The following MUCL1 variants were observed in gnomAD, a reference collection of about 807,000 sequenced individuals.
The protein encoded by MUCL1 is mucin-like protein 1.
MUCL1 carries 11 observed loss-of-function variants against 9.2 expected under a neutral mutation model. That is an observed-to-expected ratio of 1.19 (90% CI 0.75 to 1.97). The LOEUF is 1.97. Among genes scored for constraint, MUCL1 ranks in the 30% most tolerant of loss-of-function variants. The pLI is 0.00. For synonymous variants in MUCL1, 48 were observed against 40.5 expected (o/e 1.19, Z -0.71); for missense variants, 144 against 110.9 (o/e 1.30, Z -1.34).
chr12:54,849,586 T>G (rs1219081436), upstream of MUCL1, among the ~76,000 whole-genome samples: 2 of 152,208 alleles, frequency 1.3e-5, no homozygotes, highest in Non-Finnish European at 2.9e-5. Flanking sequence ...TATAGAGAGA[T>G]AAAGTTTGGT....
intron 1 of MUCL1, among the ~76,000 whole-genome samples, chr12:54,841,955 A>C (rs1189613750): frequency 6.6e-6 from 1 of 152,140 alleles, no homozygotes; most frequent in Admixed American, 6.5e-5. Context: ...TAATAATTCT[A>C]TACAAGTATT....
chr12:54,858,141 A>G, intron 3 of MUCL1, 52 bp from the exon 4 acceptor site: 1 of 1,604,328 alleles, frequency 6.2e-7, no homozygotes, highest in Non-Finnish European at 8.5e-7. Flanking sequence ...GAATAAATCC[A>G]CATTCTTCAT....
At chr12:54,835,576 C>T (rs923687337), upstream of MUCL1, among the ~76,000 whole-genome samples, 4 of 144,912 alleles carry the variant, frequency 2.8e-5, no homozygotes, top group Middle Eastern at 3.6e-3. Flanking sequence ...AGTGTCTATT[C>T]GTGTCACGTG....
chr12:54,851,503 G>A (rs11609301), upstream of MUCL1, among the ~76,000 whole-genome samples: 6,697 of 152,146 alleles, frequency 0.044, 169 homozygotes, highest in Middle Eastern at 0.11. Flanking sequence ...TTGATGGGAC[G>A]TATCTCAAAA....
chr12:54,846,235 C>T (rs570624714), intron 1 of MUCL1, among the ~76,000 whole-genome samples: 122 of 152,284 alleles, frequency 8.0e-4, no homozygotes, highest in Non-Finnish European at 1.5e-3. Context: ...CACTGTAACA[C>T]ACACCCTCTT....
At chr12:54,835,143 A>G (rs1194136155), upstream of MUCL1, among the ~76,000 whole-genome samples, 1 of 151,964 alleles carries the variant, frequency 6.6e-6, no homozygotes, top group Non-Finnish European at 1.5e-5. Flanking sequence ...CCTTTTCTTT[A>G]TTCACTCATT....
chr12:54,837,771 A>AAAAAAC (rs1244923825), upstream of MUCL1, among the ~76,000 whole-genome samples: 4 of 151,928 alleles, frequency 2.6e-5, no homozygotes, highest in East Asian at 1.9e-4. Flanking sequence ...TCCGTCTCCA[A>AAAAAAC]AAAAACAAAA....
chr12:54,856,626 G>T lies in MUCL1; in HGVS notation c.101-144G>T. 5 of 1,105,350 alleles carry T rather than the reference G, an allele frequency of 4.5e-6. No homozygotes were observed. In the South Asian group the frequency reaches 7.9e-5, roughly 18 times the overall value. 68.5% of individuals were successfully genotyped at this position (1,105,350 alleles called of 1,614,324 possible). A position where few individuals can be genotyped will look rare whatever the true frequency, so the allele number is the denominator to read the frequency against. On this transcript the variant is annotated intron_variant, in intron 2 of 3. Transcript: ENST00000308796. Reference sequence around the variant, plus strand: ...GAAGGATGAAGCACAAGGAAAGTAGGCAGGTAGGCTAAAGGTAAGACAGAA... The same window carrying T: ...GAAGGATGAAGCACAAGGAAAGTAGTCAGGTAGGCTAAAGGTAAGACAGAA...
At chr12:54,856,945 T>C in intron 3 of MUCL1, 53 bp downstream of exon 3, 1 of 1,610,788 alleles carries the variant, frequency 6.2e-7, no homozygotes, top group Admixed American at 1.7e-5. Flanking sequence ...CTTGATTCCT[T>C]GGGTTCTCTA....
chr12:54,837,700 C>T (rs142977077), upstream of MUCL1, among the ~76,000 whole-genome samples: 791 of 152,192 alleles, frequency 5.2e-3, 6 homozygotes, highest in African/African-American at 0.017. Flanking sequence ...ACCCAGGAGG[C>T]GGAGCTTGCA....
intron 1 of MUCL1, 91 bp downstream of exon 1, chr12:54,854,731 G>T: frequency 8.1e-7 from 1 of 1,229,388 alleles, no homozygotes. Flanking sequence ...TGCTTAGAAT[G>T]TGCTTTTTTA....
chr12:54,854,405 C>T (rs1868281784), upstream of MUCL1: 1 of 565,068 alleles, frequency 1.8e-6, no homozygotes, highest in Non-Finnish European at 3.1e-6. Context: ...GTTGATTCTC[C>T]AGTGGTTTGT....
intron 1 of MUCL1, chr12:54,831,005 T>C (rs913091178): frequency 1.3e-5 from 2 of 152,182 alleles, no homozygotes; most frequent in Non-Finnish European, 2.9e-5. Context: ...ATCCTTAATT[T>C]GTCCTATTTG....
upstream of MUCL1, among the ~76,000 whole-genome samples, chr12:54,835,361 A>G (rs1039998435): frequency 6.6e-6 from 1 of 152,116 alleles, no homozygotes; most frequent in Non-Finnish European, 1.5e-5. Context: ...GTACTAATTT[A>G]CATTCCCATC....
intron 1 of MUCL1, among the ~76,000 whole-genome samples, chr12:54,845,056 T>C (rs558181256): frequency 6.6e-6 from 1 of 152,322 alleles, no homozygotes; most frequent in East Asian, 1.9e-4. Context: ...CCTTCAGACA[T>C]ATTTCTTGCA....
At chr12:54,842,282 G>A (rs1959216072) in intron 1 of MUCL1, among the ~76,000 whole-genome samples, 2 of 151,552 alleles carry the variant, frequency 1.3e-5, no homozygotes, top group Non-Finnish European at 2.9e-5. Flanking sequence ...GTTGTTTGCT[G>A]CATATATATA....
upstream of MUCL1, among the ~76,000 whole-genome samples, chr12:54,850,119 C>G (rs1487299244): frequency 6.6e-6 from 1 of 152,128 alleles, no homozygotes; most frequent in Admixed American, 6.6e-5. Context: ...TGGATAGTCT[C>G]CCTCAACCCT....
rs748161683 is a variant in MUCL1, at chr12:54,854,519, G to T, written c.-64G>T. 3 of 1,336,648 alleles carry T rather than the reference G, an allele frequency of 2.2e-6. No individual in the cohort carries two copies. Among genetic ancestry groups the T allele is most frequent in the African/African-American group, 2.9e-5 (2 of 68,640 alleles). The allele number at this position is 1,336,648 out of a possible 1,614,324, so 82.8% of individuals were successfully genotyped here. ...CAGGATGTGGAATCCTGAAGTCAGC[G>T]CCTTGCCTTCTCTTAGGCTTTGAAG... On this transcript the variant is annotated 5_prime_UTR_variant, in exon 1 of 4. Coordinates refer to ENST00000308796, the MANE Select transcript of MUCL1 (RefSeq NM_058173.3).
chr12:54,845,303 G>A (rs1232462666), intron 1 of MUCL1, among the ~76,000 whole-genome samples: 1 of 152,144 alleles, frequency 6.6e-6, no homozygotes, highest in Non-Finnish European at 1.5e-5. Flanking sequence ...TTGAGAAAAG[G>A]AGGGCCTTTA....
Sources: allele counts gnomAD v4.1 joint callset (sites outside exome capture counted in the v4.1 genomes callset), GRCh38; gene constraint gnomAD v4.1.1; transcripts MANE v1.5; gene names NCBI Gene and HGNC (gene_info 2026-07-23, HGNC 2026-07-21).